HELLS: variants seen among roughly 807,000 people sequenced by gnomAD.
HELLS encodes helicase, lymphoid specific.
In HELLS, 32 loss-of-function variants were observed where a neutral mutation model predicts 120.0. That is an observed-to-expected ratio of 0.27 (90% CI 0.20 to 0.36). The LOEUF is 0.36. Among genes scored for constraint, HELLS ranks in the 10% least tolerant of loss-of-function variants. The pLI, the probability that HELLS is intolerant of heterozygous loss-of-function variation, is 1.00. For synonymous variants in HELLS, 341 were observed against 323.4 expected (o/e 1.05, Z -0.58); for missense variants, 650 against 993.4 (o/e 0.65, Z 4.65).
intron 10 of HELLS, among the ~76,000 whole-genome samples, chr10:94,580,776 AATTAG>A (rs1398981895): frequency 6.6e-6 from 1 of 152,128 alleles, no homozygotes; most frequent in Admixed American, 6.5e-5. Flanking sequence ...TGTTAATATA[AATTAG>A]ATTAATTATA....
At chr10:94,548,899 C>T (rs1433564437) in intron 2 of HELLS, among the ~76,000 whole-genome samples, 2 of 152,048 alleles carry the variant, frequency 1.3e-5, no homozygotes, top group East Asian at 1.9e-4. Flanking sequence ...GAGGCTGAGG[C>T]AGGAGAATTG....
rs771850690 is a variant in HELLS at position 94,590,421 on chromosome 10, A to C, written c.1497A>C (p.Thr499=). The C allele has an allele frequency of 5.6e-6, 9 of 1,599,982 alleles. No individual in the cohort carries two copies. The highest frequency in any genetic ancestry group is 6.8e-6 in the Non-Finnish European group (8 of 1,176,950). ...AATTCGTTCCCTTTTAGAAAGAAAC[A>C]ATTGAGTTAAGTCCTACTGGTCGAC... ...ANMFGSSEKE[T]IELSPTGRPK... is the part of the protein sequence containing the mutation. Residue 499 remains threonine (T), a synonymous_variant, in exon 14 of 22, where the codon ACA becomes ACC. Transcript: ENST00000348459.
intron 21 of HELLS, among the ~76,000 whole-genome samples, chr10:94,600,495 A>G (rs1845982839): frequency 6.6e-6 from 1 of 152,184 alleles, no homozygotes; most frequent in African/African-American, 2.4e-5. Flanking sequence ...TATTGGCTAG[A>G]AGTACAATAT....
intron 13 of HELLS, 136 bp downstream of exon 13, chr10:94,588,526 C>T (rs1845294623): frequency 1.9e-6 from 1 of 516,364 alleles, no homozygotes; most frequent in Non-Finnish European, 3.3e-6. Flanking sequence ...TCACTGCAGC[C>T]TTTACCTGCC....
chr10:94,575,770 T>TC (rs1564597329), intron 9 of HELLS, among the ~76,000 whole-genome samples: 912 of 64,530 alleles, frequency 0.014, 13 homozygotes, highest in Non-Finnish European at 0.02. Context: ...GGGGGTTGTG[T>TC]TTGTGTGTGT....
intron 21 of HELLS, among the ~76,000 whole-genome samples, chr10:94,600,451 A>G (rs1016448391): frequency 6.6e-6 from 1 of 151,926 alleles, no homozygotes; most frequent in Non-Finnish European, 1.5e-5. Context: ...AAGTCATAAT[A>G]ATCAAGATGG....
intron 21 of HELLS, among the ~76,000 whole-genome samples, chr10:94,601,017 G>T (rs772185338): frequency 9.9e-5 from 15 of 152,142 alleles, no homozygotes; most frequent in Non-Finnish European, 2.2e-4. Context: ...AACAGACAAG[G>T]ATGATTAGAA....
chr10:94,550,019 C>G (rs1489429481), intron 2 of HELLS, among the ~76,000 whole-genome samples: 4 of 152,118 alleles, frequency 2.6e-5, no homozygotes. Flanking sequence ...CTCCGGGGTT[C>G]AAGCAATTCT....
chr10:94,599,690 G>C (rs2134134058), intron 21 of HELLS, among the ~76,000 whole-genome samples: 1 of 152,084 alleles, frequency 6.6e-6, no homozygotes, highest in East Asian at 1.9e-4. Flanking sequence ...GAAGTCCAAG[G>C]GAATCCAGAA....
At chr10:94,607,435 G>A (rs1846140694) in intron 8 of HELLS, among the ~76,000 whole-genome samples, 1 of 152,122 alleles carries the variant, frequency 6.6e-6, no homozygotes, top group Non-Finnish European at 1.5e-5. Flanking sequence ...AGGGACAGAG[G>A]GGAATAGATG....
intron 2 of HELLS, among the ~76,000 whole-genome samples, chr10:94,549,142 T>G (rs943733628): frequency 1.3e-5 from 2 of 152,228 alleles, no homozygotes; most frequent in Admixed American, 6.5e-5. Flanking sequence ...TCATAAAAAG[T>G]GATTGCCTAG....
intron 8 of HELLS, among the ~76,000 whole-genome samples, chr10:94,607,159 C>T (rs1846138067): frequency 1.3e-5 from 2 of 152,182 alleles, no homozygotes; most frequent in Admixed American, 1.3e-4. Flanking sequence ...ACATTTCTTA[C>T]ACTGTGAGGG....
chr10:94,585,781 A>G (rs1845112879), intron 12 of HELLS, among the ~76,000 whole-genome samples: 1 of 151,116 alleles, frequency 6.6e-6, no homozygotes. Flanking sequence ...TGTTATCTGC[A>G]GCCTCCAACT....
At chr10:94,573,556 T>C (rs1307804302) in intron 7 of HELLS, among the ~76,000 whole-genome samples, 1 of 151,992 alleles carries the variant, frequency 6.6e-6, no homozygotes, top group African/African-American at 2.4e-5. Flanking sequence ...AGCCTTGACT[T>C]CCTGGGTTTA....
intron 12 of HELLS, among the ~76,000 whole-genome samples, chr10:94,587,207 T>C (rs1380365704): frequency 6.6e-6 from 1 of 152,148 alleles, no homozygotes; most frequent in South Asian, 2.1e-4. Context: ...GTCAGCTGGC[T>C]TTTTACTGAG....
intron 3 of HELLS, chr10:94,557,190 G>T (rs1283242731): frequency 2.3e-6 from 1 of 427,932 alleles, no homozygotes; most frequent in South Asian, 1.7e-5. Context: ...CTGTTATGAA[G>T]ATTTAAAAAC....
chr10:94,593,496 T>C lies in HELLS; in HGVS notation c.1972-3T>C, dbSNP rs1845590770. ...GTTGTATTTACATCCTTTTTGCTTT[T>C]AGATGCACAGCTTCAACACGGATCC... On this transcript the variant is annotated splice_region_variant and splice_polypyrimidine_tract_variant and intron_variant, in intron 17 of 21. Transcript: ENST00000348459. 1 of 1,591,896 alleles carries C rather than the reference T, an allele frequency of 6.3e-7. No homozygotes were observed. Among genetic ancestry groups the C allele is most frequent in the South Asian group, 1.1e-5 (1 of 90,606 alleles).
In HELLS at chr10:94,558,178, T is replaced by G. The variant is rs778030963; in HGVS notation, c.316T>G (p.Ser106Ala). 7 of 1,563,596 alleles carry G rather than the reference T, an allele frequency of 4.5e-6. No homozygotes were observed. Among genetic ancestry groups the G allele is most frequent in the South Asian group, 1.3e-5 (1 of 78,936 alleles). Residue 106 changes from serine (S) to alanine (A), a missense_variant, in exon 4 of 22, where the codon TCT (serine) becomes GCT (alanine). Transcript: ENST00000348459. ...AGAAAAATTGGAGAGAAAAAAGGAG[T>G]CTTTAAAAGTTAAAAAGGTAATATA... The part of the protein sequence containing the change: ...KKEKLERKKE[S>A]LKVKKGKNSI...
intron 6 of HELLS, 95 bp from the exon 7 acceptor site, chr10:94,571,293 C>G: frequency 9.8e-7 from 1 of 1,020,890 alleles, no homozygotes; most frequent in Non-Finnish European, 1.4e-6. Context: ...ATCCTCATTT[C>G]CTGGCAAAAT....
Sources: allele counts gnomAD v4.1 joint callset (sites outside exome capture counted in the v4.1 genomes callset), GRCh38; gene constraint gnomAD v4.1.1; transcripts MANE v1.5; gene names NCBI Gene and HGNC (gene_info 2026-07-23, HGNC 2026-07-21).